COL23A1: variants seen among roughly 807,000 people sequenced by gnomAD.
The protein encoded by COL23A1 is collagen alpha-1(XXIII) chain.
A neutral mutation model predicts 99.3 loss-of-function variants in COL23A1; 97 were observed. The ratio of observed to expected loss-of-function variants is 0.98; its 90% CI spans 0.83 to 1.16. COL23A1 has a LOEUF of 1.16. Ranked by LOEUF, COL23A1 falls within the 50% of genes most tolerant of loss-of-function variation. COL23A1 has a pLI of 0.00. For missense variants in COL23A1, 762 were observed against 757.4 expected (o/e 1.01, Z -0.07); for synonymous variants, 320 against 308.2 (o/e 1.04, Z -0.40).
At chr5:178,576,210 C>A (rs1763347167) in intron 1 of COL23A1, among the ~76,000 whole-genome samples, 1 of 152,202 alleles carries the variant, frequency 6.6e-6, no homozygotes, top group African/African-American at 2.4e-5. Context: ...TCTTGCCCTG[C>A]TGCCCAATAG....
At chr5:178,509,235 T>G in intron 2 of COL23A1, among the ~76,000 whole-genome samples, 1 of 151,224 alleles carries the variant, frequency 6.6e-6, no homozygotes, top group Non-Finnish European at 1.5e-5. Flanking sequence ...TTTTTTGTTT[T>G]TCTCGAGACA....
intron 2 of COL23A1, among the ~76,000 whole-genome samples, chr5:178,501,937 C>T (rs1244974660): frequency 6.6e-6 from 1 of 152,212 alleles, no homozygotes; most frequent in Non-Finnish European, 1.5e-5. Flanking sequence ...CCCTACAGGG[C>T]CGTGTCAGGG....
chr5:178,464,550 G>A (rs2672843), intron 2 of COL23A1, among the ~76,000 whole-genome samples: 101,460 of 152,072 alleles, frequency 0.67, 34,853 homozygotes, highest in East Asian at 0.92. Context: ...TTACAAGCAC[G>A]TTGCTATTCG....
At chr5:178,487,049 C>T (rs1757669331) in intron 2 of COL23A1, among the ~76,000 whole-genome samples, 1 of 151,342 alleles carries the variant, frequency 6.6e-6, no homozygotes, top group African/African-American at 2.5e-5. Context: ...TCATGCTCCT[C>T]CCTCAGTGCC....
At chr5:178,522,769 C>A (rs373286425) in intron 2 of COL23A1, among the ~76,000 whole-genome samples, 4 of 152,174 alleles carry the variant, frequency 2.6e-5, no homozygotes, top group East Asian at 3.9e-4. Flanking sequence ...TACAAGAGCA[C>A]TGCCCAGGAC....
chr5:178,506,883 C>T (rs1235369702), intron 2 of COL23A1, among the ~76,000 whole-genome samples: 2 of 152,156 alleles, frequency 1.3e-5, no homozygotes, highest in Non-Finnish European at 2.9e-5. Flanking sequence ...CGAATTACTG[C>T]GTTCAAAGTC....
At position 178,434,848 on chromosome 5, in the gene COL23A1, A is replaced by G. The variant is rs1407666062; in HGVS notation, c.361+125834T>C. 6.6e-6 allele frequency among the ~76,000 whole-genome samples: 1 copy of G among 152,222 alleles called. No homozygotes were observed. The highest frequency in any genetic ancestry group is 1.5e-5 in the Non-Finnish European group (1 of 68,042). The stretch of plus-strand genomic sequence containing the variant: ...GATTCCAGCTCAGGGCTGGTTTCAA[A>G]GCCTCTGCCCGCTGCAGGAAGGCAG... On this transcript the variant is annotated intron_variant, in intron 2 of 28. Coordinates refer to ENST00000390654, the MANE Select transcript of COL23A1 (RefSeq NM_173465.4). The surrounding 1 kb of genome is among the most constrained non-coding windows in gnomAD (Gnocchi z 4.3).
chr5:178,526,978 C>T (rs573736277), intron 2 of COL23A1, among the ~76,000 whole-genome samples: 308 of 152,300 alleles, frequency 2.0e-3, no homozygotes, highest in Middle Eastern at 6.8e-3. Flanking sequence ...CCCAGGGTGC[C>T]GTGGTAGGCA....
chr5:178,383,792 C>G (rs1451324020), intron 2 of COL23A1, among the ~76,000 whole-genome samples: 1 of 151,870 alleles, frequency 6.6e-6, no homozygotes, highest in Non-Finnish European at 1.5e-5. Context: ...CTGGGAAAAC[C>G]GTGCATGACT....
rs1488226110 is a variant in COL23A1 at position 178,365,693 on chromosome 5, C to A, written c.362-58774G>T. Among the ~76,000 whole-genome samples the A allele has an allele frequency of 6.6e-6, 1 of 152,166 alleles. No individual in the cohort carries two copies. The highest frequency in any genetic ancestry group is 1.5e-5 in the Non-Finnish European group (1 of 68,020). ...ACAACTGCGTGCTGTTCCCGGCAGA[C>A]CCTTGCGTTTCCTGTTCTCTGCCTG... On this transcript the variant is annotated intron_variant, in intron 2 of 28. Coordinates refer to ENST00000390654, the MANE Select transcript of COL23A1 (RefSeq NM_173465.4). The surrounding 1 kb of genome is among the most constrained non-coding windows in gnomAD (Gnocchi z 5.2).
chr5:178,282,547 G>A (rs1292033673), intron 5 of COL23A1, among the ~76,000 whole-genome samples: 1 of 152,344 alleles, frequency 6.6e-6, no homozygotes, highest in East Asian at 1.9e-4. Context: ...GTGTGAGGGA[G>A]TAGGGTCACA....
intron 2 of COL23A1, among the ~76,000 whole-genome samples, chr5:178,479,671 G>A (rs909745030): frequency 1.2e-4 from 19 of 152,202 alleles, no homozygotes; most frequent in Non-Finnish European, 2.5e-4. Flanking sequence ...AAGGATTCAT[G>A]TTAATCTTAG....
At chr5:178,290,243 G>A (rs925843844) in intron 4 of COL23A1, 119 bp downstream of exon 4, 3 of 1,443,692 alleles carry the variant, frequency 2.1e-6, no homozygotes, top group African/African-American at 2.8e-5. Context: ...CTTTTTAATA[G>A]GACTGATGTT....
intron 12 of COL23A1, among the ~76,000 whole-genome samples, chr5:178,258,161 C>T (rs2127547279): frequency 6.6e-6 from 1 of 151,008 alleles, no homozygotes; most frequent in South Asian, 2.1e-4. Flanking sequence ...GGTGGGAGAA[C>T]TGCCTGAGGC....
chr5:178,423,803 C>T (rs1765762393), intron 2 of COL23A1, among the ~76,000 whole-genome samples: 2 of 152,148 alleles, frequency 1.3e-5, no homozygotes, highest in Non-Finnish European at 2.9e-5. Context: ...GGAGCACTGC[C>T]TGGATCCCGG....
chr5:178,566,257 AG>A (rs1762835922), intron 1 of COL23A1, among the ~76,000 whole-genome samples: 1 of 152,174 alleles, frequency 6.6e-6, no homozygotes, highest in South Asian at 2.1e-4. Flanking sequence ...GGCAGCATGG[AG>A]GAGATTAAGG....
intron 2 of COL23A1, among the ~76,000 whole-genome samples, chr5:178,410,924 A>G (rs1266599440): frequency 1.3e-5 from 2 of 152,248 alleles, no homozygotes; most frequent in African/African-American, 2.4e-5. Context: ...AATCAAATTA[A>G]AAAACGCTTA....
chr5:178,523,157 T>C (rs1304044344), intron 2 of COL23A1, among the ~76,000 whole-genome samples: 2 of 76,086 alleles, frequency 2.6e-5, no homozygotes, highest in African/African-American at 3.7e-5. Flanking sequence ...TATATATATA[T>C]ATATACATAT....
At chr5:178,416,522 C>T (rs557830875) in intron 2 of COL23A1, among the ~76,000 whole-genome samples, 9 of 152,272 alleles carry the variant, frequency 5.9e-5, no homozygotes, top group Non-Finnish European at 1.2e-4. Context: ...CAGGATGATA[C>T]GGAGGGGTTA....
Sources: gnomAD v4.1 joint callset for allele counts (sites outside exome capture counted in the v4.1 genomes callset) on GRCh38, gnomAD v4.1.1 for gene constraint, Gnocchi (gnomAD v3.1) non-coding constraint, MANE v1.5 for transcripts, NCBI Gene and HGNC (gene_info 2026-07-23, HGNC 2026-07-21) for gene names.